CEP41: variants seen among roughly 807,000 people sequenced by gnomAD.
CEP41 encodes centrosomal protein of 41 kDa.
Under a neutral mutation model 44.3 loss-of-function variants are expected in CEP41, and 32 were observed. The ratio of observed to expected loss-of-function variants is 0.72; its 90% confidence interval spans 0.54 to 0.97. The LOEUF (loss-of-function observed/expected upper bound fraction) is 0.97. Ranked by LOEUF, CEP41 falls within the 50% of genes least tolerant of loss-of-function variation. The pLI, the probability that CEP41 is intolerant of heterozygous loss-of-function variation, is 0.00. For missense variants in CEP41, 432 were observed against 455.2 expected, an observed-to-expected ratio of 0.95 and a Z score of 0.46; for synonymous variants, 151 against 168.5, an observed-to-expected ratio of 0.90 and a Z score of 0.80.
At chr7:130,434,734 C>A (rs1032241077) in intron 1 of CEP41, among the ~76,000 whole-genome samples, 2 of 152,014 alleles carry the variant, frequency 1.3e-5, no homozygotes, top group Admixed American at 1.3e-4. Flanking sequence ...TTTAAGCTCA[C>A]AAAATAATGT....
At chr7:130,417,460 AC>A (rs1554421131) in intron 2 of CEP41, 3 of 508,806 alleles carry the variant, frequency 5.9e-6, no homozygotes, top group Non-Finnish European at 7.9e-6. Flanking sequence ...TTACTCTTCT[AC>A]CGTTCATGCT....
intron 1 of CEP41, among the ~76,000 whole-genome samples, chr7:130,435,066 A>T (rs1296005756): frequency 7.9e-5 from 12 of 152,336 alleles, no homozygotes; most frequent in Non-Finnish European, 1.3e-4. Context: ...TGTTAAGTGA[A>T]AAAAATCAAG....
At chr7:130,419,166 A>G in intron 2 of CEP41, 1 of 985,418 alleles carries the variant, frequency 1.0e-6, no homozygotes, top group Non-Finnish European at 1.2e-6. Flanking sequence ...GCTGAGAAAC[A>G]AGTTTTTTGC....
intron 5 of CEP41, 44 bp downstream of exon 5, chr7:130,411,078 A>G (rs1797168145): frequency 6.5e-7 from 1 of 1,550,032 alleles, no homozygotes; most frequent in East Asian, 2.2e-5. Flanking sequence ...GTTTCAGTCA[A>G]ATGGTCAGCC....
rs1457000517 is a variant in CEP41, at chr7:130,418,706, A to G, written c.98-1740T>C. On this transcript the variant is annotated intron_variant, in intron 2 of 10. Transcript: ENST00000223208. ...TCGCATTTCCAACCTCCTGAAAAAC[A>G]CATCTTTTTTTGTTGTGTTGTTGTA... Among the ~76,000 whole-genome samples, 5 of 152,210 alleles carry G rather than the reference A, an allele frequency of 3.3e-5. No individual in the cohort carries two copies. The East Asian group carries it at 7.7e-4, about 23-fold the overall frequency.
intron 5 of CEP41, among the ~76,000 whole-genome samples, chr7:130,407,253 A>AAC (rs60030288): frequency 0.058 from 7,547 of 129,246 alleles, 216 homozygotes; most frequent in Middle Eastern, 0.083. Context: ...AACAAGAGTA[A>AAC]ACACACACAC....
At chr7:130,416,551 CT>C (rs543364353) in intron 3 of CEP41, among the ~76,000 whole-genome samples, 63 of 152,320 alleles carry the variant, frequency 4.1e-4, no homozygotes, top group African/African-American at 1.5e-3. Flanking sequence ...TTATTACCCC[CT>C]ATCTCAAATA....
intron 1 of CEP41, among the ~76,000 whole-genome samples, chr7:130,432,951 G>A (rs1797865828): frequency 6.6e-6 from 1 of 152,164 alleles, no homozygotes. Flanking sequence ...TTAAGGTCAG[G>A]TGGAGGAGAG....
At chr7:130,410,795 G>A (rs111303696) in intron 5 of CEP41, 2 of 385,362 alleles carry the variant, frequency 5.2e-6, no homozygotes, top group Non-Finnish European at 9.7e-6. Flanking sequence ...AAGCAGAGCT[G>A]TGTTTTGTTC....
chr7:130,416,760 C>T (rs936438118), intron 3 of CEP41, among the ~76,000 whole-genome samples, 159 bp downstream of exon 3: 13 of 152,190 alleles, frequency 8.5e-5, no homozygotes, highest in African/African-American at 2.9e-4. Flanking sequence ...CAGTACAGCA[C>T]CCAGGATCTC....
chr7:130,409,749 C>T (rs1215752560), intron 5 of CEP41, among the ~76,000 whole-genome samples: 1 of 152,146 alleles, frequency 6.6e-6, no homozygotes, highest in Non-Finnish European at 1.5e-5. Context: ...CATGAGAGTA[C>T]AACTAGGAGG....
chr7:130,407,316 T>G (rs1797046117), intron 5 of CEP41, among the ~76,000 whole-genome samples: 2 of 151,208 alleles, frequency 1.3e-5, no homozygotes, highest in Non-Finnish European at 3.0e-5. Context: ...TTTTTTCCTA[T>G]TCAGTTTCAC....
chr7:130,401,781 A>G lies in CEP41; in HGVS notation c.642+100T>C. On this transcript the variant is annotated intron_variant, in intron 8 of 10. Coordinates refer to ENST00000223208, the MANE Select transcript of CEP41 (RefSeq NM_018718.3). ...AAATATGCTCAGCCAAATAATATCA[A>G]AGGTCCTTCACAGCATTCTTACCAG... is the stretch of plus-strand genomic sequence containing the variant. 3.7e-6 allele frequency: 3 copies of G among 802,262 alleles called. No individual in the cohort carries two copies. In the South Asian group the frequency reaches 4.1e-5, roughly 11 times the overall value. 49.7% of individuals were successfully genotyped at this position (802,262 alleles called of 1,614,324 possible). A position where few individuals can be genotyped will look rare whatever the true frequency, so the allele number is the denominator to read the frequency against.
chr7:130,395,746 A>C lies in CEP41; in HGVS notation c.*3145T>G, dbSNP rs1343329132. The C allele has an allele frequency of 2.2e-6, 1 of 453,830 alleles. No individual in the cohort carries two copies. The highest frequency in any genetic ancestry group is 4.4e-6 in the Non-Finnish European group (1 of 226,778). The allele number at this position is 453,830 out of a possible 1,614,324, so 28.1% of individuals were successfully genotyped here. A position where few individuals can be genotyped will look rare whatever the true frequency, so the allele number is the denominator to read the frequency against. On this transcript the variant is annotated 3_prime_UTR_variant, in exon 11 of 11. Transcript: ENST00000223208. The stretch of plus-strand genomic sequence containing the variant: ...CTTGGTCGAGTAGCCTAAAGTCTTA[A>C]GAATTTTTGTATAATTTAAATAGCA...
In CEP41 at chr7:130,398,042, T is replaced by A. The variant is rs782044927; in HGVS notation, c.*849A>T. ...GGTATTTTCAACTGGCCATAATTTC[T>A]GTCCATCTAACATGGATGGACTGAA... On this transcript the variant is annotated 3_prime_UTR_variant, in exon 11 of 11. Transcript: ENST00000223208. The A allele has an allele frequency of 2.2e-6, 1 of 454,250 alleles. No individual in the cohort carries two copies. 28.1% of individuals were successfully genotyped at this position (454,250 alleles called of 1,614,324 possible). A position where few individuals can be genotyped will look rare whatever the true frequency, so the allele number is the denominator to read the frequency against.
intron 2 of CEP41, chr7:130,419,108 G>A (rs1797422462): frequency 4.1e-6 from 4 of 985,180 alleles, no homozygotes. Context: ...CACAATGCAG[G>A]GAGGTAGGCC....
At position 130,396,509 on chromosome 7, in the gene CEP41, C is replaced by T; in HGVS notation, c.*2382G>A. 1 of 454,544 alleles carries T rather than the reference C, an allele frequency of 2.2e-6. No individual in the cohort carries two copies. Among genetic ancestry groups the T allele is most frequent in the Non-Finnish European group, 4.4e-6 (1 of 226,796 alleles). 28.2% of individuals were successfully genotyped at this position (454,544 alleles called of 1,614,324 possible). ...AAAGAAGAGAGAAGTTGGCAGTTTT[C>T]AGCATATTAATAGCAAACGACAAAT... On this transcript the variant is annotated 3_prime_UTR_variant, in exon 11 of 11. Transcript: ENST00000223208.
intron 2 of CEP41, among the ~76,000 whole-genome samples, chr7:130,417,633 G>A (rs1797375372): frequency 6.6e-6 from 1 of 152,142 alleles, no homozygotes; most frequent in Admixed American, 6.5e-5. Flanking sequence ...AGGTGGTTTG[G>A]AGGTTTTCAG....
Position 130,395,739 on chromosome 7 carries a change from A to G in CEP41, c.*3152T>C, listed in dbSNP as rs1316752956. On this transcript the variant is annotated 3_prime_UTR_variant, in exon 11 of 11. Transcript: ENST00000223208. Reference sequence around the variant, plus strand: ...CTGTTTTCTTGGTCGAGTAGCCTAAAGTCTTAAGAATTTTTGTATAATTTA... The same window carrying G: ...CTGTTTTCTTGGTCGAGTAGCCTAAGGTCTTAAGAATTTTTGTATAATTTA... 1 of 453,796 alleles carries G rather than the reference A, an allele frequency of 2.2e-6. No homozygotes were observed. The highest frequency in any genetic ancestry group is 2.0e-5 in the African/African-American group (1 of 49,976). 28.1% of individuals were successfully genotyped at this position (453,796 alleles called of 1,614,324 possible).
Sources: gnomAD v4.1 joint callset for allele counts (sites outside exome capture counted in the v4.1 genomes callset) on GRCh38, gnomAD v4.1.1 for gene constraint, MANE v1.5 for transcripts, NCBI Gene and HGNC (gene_info 2026-07-23, HGNC 2026-07-21) for gene names.